The following COL18A1 variants were observed in gnomAD, a reference collection of about 807,000 sequenced individuals.
COL18A1 encodes collagen type XVIII alpha 1 chain, also known as collagen alpha-1(XVIII) chain.
Under a neutral mutation model 168.0 loss-of-function variants are expected in COL18A1, and 133 were observed. That is an observed-to-expected ratio of 0.79 (90% CI 0.69 to 0.91). COL18A1 has a LOEUF of 0.91. Among genes scored for constraint, COL18A1 ranks in the 40% least tolerant of loss-of-function variants. COL18A1 has a pLI of 0.00. For synonymous variants in COL18A1, 949 were observed against 809.0 expected (o/e 1.17, Z -2.94); for missense variants, 2,126 against 1,925.4 (o/e 1.10, Z -1.95).
At chr21:45,501,738 G>C (rs1328031777) in intron 32 of COL18A1, among the ~76,000 whole-genome samples, 24 of 118,432 alleles carry the variant, frequency 2.0e-4, no homozygotes, top group Admixed American at 5.0e-4. Flanking sequence ...ACCCCCAGGG[G>C]CTCCACAGCC....
chr21:45,498,336 C>CCCCTCTCACCGCCAGGGTT lies in COL18A1; in HGVS notation c.2683+683_2683+701dup, dbSNP rs773820201. On this transcript the variant is annotated intron_variant, in intron 32 of 41. Transcript: ENST00000651438. The surrounding 1 kb of genome is among the most constrained non-coding windows in gnomAD (Gnocchi z 4.5). ...CACGGTCCCCTCTCGCCGCCAGGGT[C>CCCCTCTCACCGCCAGGGTT]CCCTCTCACCGCCAGGGTTCCCTCT... 15 of 654,188 alleles carry CCCCTCTCACCGCCAGGGTT rather than the reference C, an allele frequency of 2.3e-5. No homozygotes were observed. The highest frequency in any genetic ancestry group is 4.3e-5 in the Non-Finnish European group (15 of 352,902). 40.5% of individuals were successfully genotyped at this position (654,188 alleles called of 1,614,324 possible).
chr21:45,496,359 C>G lies in COL18A1; in HGVS notation c.2509-141C>G, dbSNP rs765500690. 58 of 743,772 alleles carry G rather than the reference C, an allele frequency of 7.8e-5. No individual in the cohort carries two copies. In the Admixed American group the frequency reaches 9.4e-4, roughly 12 times the overall value. 46.1% of individuals were successfully genotyped at this position (743,772 alleles called of 1,614,324 possible). ...CTCAGGGAGCCGTGGCCCGAGTGAC[C>G]CACTGCATTCTCGGTTTTGCCTGGT... On this transcript the variant is annotated intron_variant, in intron 29 of 41. Transcript: ENST00000651438.
chr21:45,449,833 G>A, intron 2 of COL18A1, among the ~76,000 whole-genome samples: 1 of 151,680 alleles, frequency 6.6e-6, no homozygotes, highest in Admixed American at 6.6e-5. Flanking sequence ...CAGGTCTGGT[G>A]AGAGGTCCCG....
intron 2 of COL18A1, among the ~76,000 whole-genome samples, chr21:45,467,956 GC>G (rs1352993174): frequency 6.6e-6 from 1 of 152,192 alleles, no homozygotes; most frequent in Non-Finnish European, 1.5e-5. Flanking sequence ...ATGGAAGGGG[GC>G]CTGTGGACAC....
intron 29 of COL18A1, chr21:45,495,810 A>G (rs2150443): frequency 0.48 from 161,000 of 335,584 alleles, 40,197 homozygotes; most frequent in African/African-American, 0.68. Flanking sequence ...TGCATATACG[A>G]GCCTGTCCAC....
Position 45,493,200 on chromosome 21 carries a change from G to A in COL18A1, c.2252G>A (p.Gly751Asp), listed in dbSNP as rs2145993719. ...AGPKGNLGSK[G>D]ERGSPGPKGE... ...CCCAAGGGCAACCTGGGCTCTAAGG[G>A]CGAACGAGGCTCCCCGGGACCCAAG... The change falls in exon 25 of 42, where the codon GGC (glycine) becomes GAC (aspartate). Residue 751 changes from glycine (G) to aspartate (D), a missense_variant. Transcript: ENST00000651438. 1 of 1,562,868 alleles carries A rather than the reference G, an allele frequency of 6.4e-7. No homozygotes were observed. Among genetic ancestry groups the A allele is most frequent in the Non-Finnish European group, 8.7e-7 (1 of 1,153,432 alleles).
At chr21:45,406,346 T>C (rs903575455) in intron 2 of COL18A1, among the ~76,000 whole-genome samples, 4 of 152,062 alleles carry the variant, frequency 2.6e-5, no homozygotes, top group Admixed American at 2.6e-4. Flanking sequence ...CTACAGCGGG[T>C]GAGGAAGCAG....
chr21:45,487,466 G>T lies in COL18A1; in HGVS notation c.1853G>T (p.Gly618Val), dbSNP rs2036155479. 6.2e-7 allele frequency: 1 copy of T among 1,613,004 alleles called. No individual in the cohort carries two copies. The highest frequency in any genetic ancestry group is 1.7e-5 in the Admixed American group (1 of 60,014). The change falls in exon 17 of 42, where the codon GGG (glycine) becomes GTG (valine). Residue 618 changes from glycine to valine, a missense_variant. Physicochemically the swap from Gly to Val is moderately radical, Grantham distance 109. Transcript: ENST00000651438. ...TTCCAGGATGACATGGAAGGCTCCG[G>T]GGGGCCCTTCTGGTCAACAGCCCGA... is the stretch of plus-strand genomic sequence containing the variant. ...PAGFDDMEGSGGPFWSTARSA... is the reference protein window; with the variant it reads ...PAGFDDMEGSVGPFWSTARSA...
At chr21:45,495,215 C>A in intron 28 of COL18A1, 143 bp from the exon 29 acceptor site, 1 of 739,480 alleles carries the variant, frequency 1.4e-6, no homozygotes, top group Non-Finnish European at 2.4e-6. Context: ...TGAGAAGGGC[C>A]GGGGTAGCCT....
intron 15 of COL18A1, among the ~76,000 whole-genome samples, chr21:45,485,006 A>C (rs2036059093): frequency 6.6e-6 from 1 of 152,190 alleles, no homozygotes; most frequent in Non-Finnish European, 1.5e-5. Context: ...AGAGGTTTTC[A>C]ACAAACCTTT....
At chr21:45,481,879 C>A (rs1239192487) in intron 13 of COL18A1, 84 bp from the exon 14 acceptor site, 1 of 970,450 alleles carries the variant, frequency 1.0e-6, no homozygotes, top group South Asian at 1.3e-5. Context: ...TGGAAACCTG[C>A]GGAAGCCCAG....
intron 2 of COL18A1, chr21:45,456,843 A>G (rs2034844033): frequency 6.6e-7 from 1 of 1,509,204 alleles, no homozygotes; most frequent in Non-Finnish European, 8.9e-7. Flanking sequence ...CTCCCGACCC[A>G]GGAGGATGGG....
At position 45,457,075 on chromosome 21, in the gene COL18A1, A is replaced by G. The variant is rs2145857127; in HGVS notation, c.107-11167A>G. Reference sequence around the variant, plus strand: ...GGAGGAGGCCGGCGTCTGGACAGGAAGAGGGCTGGATGAACCGCAGCCGAT... The same window carrying G: ...GGAGGAGGCCGGCGTCTGGACAGGAGGAGGGCTGGATGAACCGCAGCCGAT... On this transcript the variant is annotated intron_variant, in intron 2 of 41. Transcript: ENST00000651438. The surrounding 1 kb of genome is among the most constrained non-coding windows in gnomAD (Gnocchi z 4.6). Among the ~76,000 whole-genome samples, 1 of 152,210 alleles carries G rather than the reference A, an allele frequency of 6.6e-6. No homozygotes were observed. Among genetic ancestry groups the G allele is most frequent in the East Asian group, 1.9e-4 (1 of 5,156 alleles).
chr21:45,506,025 G>T, intron 37 of COL18A1, 59 bp downstream of exon 37: 1 of 1,611,256 alleles, frequency 6.2e-7, no homozygotes, highest in Admixed American at 1.7e-5. Flanking sequence ...GCCTCCTGGG[G>T]CTTAAGGAAG....
At position 45,498,371 on chromosome 21, in the gene COL18A1, G is replaced by A. The variant is rs766535645; in HGVS notation, c.2683+710G>A. 2.9e-5 allele frequency: 19 copies of A among 658,396 alleles called. No homozygotes were observed. The highest frequency in any genetic ancestry group is 5.6e-5 in the African/African-American group (3 of 53,564). The allele number at this position is 658,396 out of a possible 1,614,324, so 40.8% of individuals were successfully genotyped here. A position where few individuals can be genotyped will look rare whatever the true frequency, so the allele number is the denominator to read the frequency against. ...CGCCAGGGTTCCCTCTCGCCACCAC[G>A]GTCCCCTCTCGCCGCCAGGGTCCCC... is the stretch of plus-strand genomic sequence containing the variant. On this transcript the variant is annotated intron_variant, in intron 32 of 41. Transcript: ENST00000651438. The surrounding 1 kb of genome is among the most constrained non-coding windows in gnomAD (Gnocchi z 4.5).
chr21:45,481,522 C>T (rs2035894660), intron 13 of COL18A1, among the ~76,000 whole-genome samples: 1 of 152,246 alleles, frequency 6.6e-6, no homozygotes, highest in Non-Finnish European at 1.5e-5. Flanking sequence ...GTAACAGTCC[C>T]TACCTGAGCC....
At position 45,512,332 on chromosome 21, in the gene COL18A1, C is replaced by T. The variant is rs746879124; in HGVS notation, c.3954C>T (p.Ala1318=). 22 of 1,612,482 alleles carry T rather than the reference C, an allele frequency of 1.4e-5. No individual in the cohort carries two copies. Among genetic ancestry groups the T allele is most frequent in the Middle Eastern group, 1.6e-4 (1 of 6,080 alleles). Residue 1318 remains alanine (A), a synonymous_variant, in exon 42 of 42, where the codon GCC becomes GCT. Coordinates refer to ENST00000651438, the MANE Select transcript of COL18A1 (RefSeq NM_001379500.1). ...LLGGRLLGQS[A]ASCHHAYIVL... The stretch of plus-strand genomic sequence containing the variant: ...GGGGCAGGCTCCTGGGGCAGAGTGC[C>T]GCGAGCTGCCATCACGCCTACATCG...
rs2145919274 is a variant in COL18A1, at chr21:45,476,410, T to C, written c.858T>C (p.Ala286=). 6.2e-7 allele frequency: 1 copy of C among 1,614,140 alleles called. No individual in the cohort carries two copies. Among genetic ancestry groups the C allele is most frequent in the Non-Finnish European group, 8.5e-7 (1 of 1,180,020 alleles). The change falls in exon 6 of 42, where the codon GCT becomes GCC. Residue 286 remains alanine (A), a synonymous_variant. Coordinates refer to ENST00000651438, the MANE Select transcript of COL18A1 (RefSeq NM_001379500.1). The part of the protein sequence containing the change: ...APPPVTTPPL[A]GGSSTEDSRS... Reference sequence around the variant, plus strand: ...CCCCCGTCACCACGCCACCCTTGGCTGGAGGCAGCAGCACGGAAGATTCCA... The same window carrying C: ...CCCCCGTCACCACGCCACCCTTGGCCGGAGGCAGCAGCACGGAAGATTCCA...
intron 2 of COL18A1, among the ~76,000 whole-genome samples, chr21:45,437,975 C>T (rs2034229841): frequency 1.3e-5 from 1 of 78,442 alleles, no homozygotes; most frequent in Non-Finnish European, 2.4e-5. Flanking sequence ...CACACACACA[C>T]TCACACACTC....
Sources: allele counts gnomAD v4.1 joint callset (sites outside exome capture counted in the v4.1 genomes callset), GRCh38; gene constraint gnomAD v4.1.1; non-coding constraint Gnocchi (gnomAD v3.1); transcripts MANE v1.5; gene names NCBI Gene and HGNC (gene_info 2026-07-23, HGNC 2026-07-21).